The following FAT4 variants were observed in gnomAD, a reference collection of about 807,000 sequenced individuals.
FAT4 encodes protocadherin Fat 4.
A neutral mutation model predicts 303.9 loss-of-function variants in FAT4; 84 were observed. That is an observed-to-expected ratio of 0.28 (90% CI 0.23 to 0.33). The LOEUF (loss-of-function observed/expected upper bound fraction) is 0.33, where lower values mean the gene tolerates loss of function less well. FAT4 is among the 10% of genes least tolerant of loss of function. The probability of loss-of-function intolerance (pLI) is 1.00; values close to 1 mark genes in which losing one functional copy is unlikely to be tolerated. For missense variants in FAT4, 6,005 were observed against 6,146.8 expected (o/e 0.98, Z 0.77); for synonymous variants, 2,307 against 2,298.8 (o/e 1.00, Z -0.10).
rs1248057291 is a variant in FAT4 at position 125,320,259 on chromosome 4, T to C, written c.3848T>C (p.Leu1283Pro). The change falls in exon 2 of 18, where the codon CTT (leucine) becomes CCT (proline). Residue 1283 changes from leucine (L) to proline (P), a missense_variant. Transcript: ENST00000394329. ...TATGAAGCAACACCTGCCTATTCCCTTGTAATTCAAGCAGTGGATTCAGGG... is the reference window on the plus strand; with the variant it reads ...TATGAAGCAACACCTGCCTATTCCCCTGTAATTCAAGCAGTGGATTCAGGG... ...LDYEATPAYS[L>P]VIQAVDSGTI... The C allele has an allele frequency of 6.2e-7, 1 of 1,614,178 alleles. No individual in the cohort carries two copies. The highest frequency in any genetic ancestry group is 8.5e-7 in the Non-Finnish European group (1 of 1,180,004).
chr4:125,354,611 A>G (rs1239296307), intron 2 of FAT4, among the ~76,000 whole-genome samples: 1 of 151,626 alleles, frequency 6.6e-6, no homozygotes, highest in African/African-American at 2.4e-5. Context: ...AAGAAATGAA[A>G]CCACAGTGTA....
chr4:125,391,977 G>A (rs1733993320), intron 2 of FAT4, among the ~76,000 whole-genome samples: 1 of 152,132 alleles, frequency 6.6e-6, no homozygotes. Context: ...ACATGGATAA[G>A]TTGTCAGAAT....
chr4:125,332,107 A>C (rs978138268), intron 2 of FAT4, among the ~76,000 whole-genome samples: 1 of 150,722 alleles, frequency 6.6e-6, no homozygotes, highest in Non-Finnish European at 1.5e-5. Context: ...GACTATTAAC[A>C]TTTAAGAAAA....
chr4:125,457,060 C>T (rs1452943124), intron 10 of FAT4, among the ~76,000 whole-genome samples: 1 of 151,936 alleles, frequency 6.6e-6, no homozygotes, highest in Non-Finnish European at 1.5e-5. Flanking sequence ...TGGAGCTGCA[C>T]AATTTTCTGA....
intron 15 of FAT4, 51 bp downstream of exon 15, chr4:125,479,916 T>C: frequency 1.4e-6 from 2 of 1,414,398 alleles, no homozygotes; most frequent in Non-Finnish European, 1.9e-6. Context: ...CTATGAAAAG[T>C]AAAATATATG....
chr4:125,463,758 A>G, intron 11 of FAT4, 91 bp downstream of exon 11: 1 of 622,136 alleles, frequency 1.6e-6, no homozygotes, highest in Non-Finnish European at 2.7e-6. Flanking sequence ...GAAAGACCAA[A>G]AAATTATTGT....
At chr4:125,322,769 A>C (rs1210452453) in intron 2 of FAT4, among the ~76,000 whole-genome samples, 1 of 150,868 alleles carries the variant, frequency 6.6e-6, no homozygotes, top group Non-Finnish European at 1.5e-5. Context: ...ATTTTTTTTC[A>C]TAGTAGTTGG....
Position 125,384,997 on chromosome 4 carries a change from TATAC to T in FAT4, c.5176-13783_5176-13780del, listed in dbSNP as rs5861718. 3.7e-4 allele frequency among the ~76,000 whole-genome samples: 44 copies of T among 119,910 alleles called. 2 individuals are homozygous for T. The highest frequency in any genetic ancestry group is 1.6e-3 in the East Asian group (6 of 3,850). The allele number at this position is 119,910 out of a possible 152,430, so 78.7% of individuals were successfully genotyped here. ...TTTTAGAAACACACACATATATATA[TATAC>T]ATATATATATATATATATATATATT... On this transcript the variant is annotated intron_variant, in intron 2 of 17. Transcript: ENST00000394329.
At chr4:125,479,644 T>C in intron 14 of FAT4, 97 bp from the exon 15 acceptor site, 1 of 1,209,444 alleles carries the variant, frequency 8.3e-7, no homozygotes, top group Non-Finnish European at 1.1e-6. Context: ...AATGGAGTGC[T>C]TGAAATTAAA....
At chr4:125,424,029 G>A (rs1724999064) in intron 7 of FAT4, among the ~76,000 whole-genome samples, 1 of 152,188 alleles carries the variant, frequency 6.6e-6, no homozygotes, top group Admixed American at 6.5e-5. Context: ...TGGAAGGAAT[G>A]TACCTTTTCT....
intron 2 of FAT4, among the ~76,000 whole-genome samples, chr4:125,378,957 A>G (rs2125997041): frequency 6.6e-6 from 1 of 152,124 alleles, no homozygotes; most frequent in East Asian, 1.9e-4. Context: ...TTGCAACTTC[A>G]TTGGTTGCCT....
chr4:125,324,044 A>G (rs1224759068), intron 2 of FAT4, among the ~76,000 whole-genome samples: 1 of 152,170 alleles, frequency 6.6e-6, no homozygotes, highest in African/African-American at 2.4e-5. Flanking sequence ...GTGTCCAGTT[A>G]TACACCTTTA....
At chr4:125,372,013 A>G (rs1348320342) in intron 2 of FAT4, among the ~76,000 whole-genome samples, 2 of 152,096 alleles carry the variant, frequency 1.3e-5, no homozygotes, top group African/African-American at 4.8e-5. Context: ...TTTGAATAAA[A>G]GAAGAACGAA....
At chr4:125,411,926 T>C (rs1734863463) in intron 5 of FAT4, among the ~76,000 whole-genome samples, 1 of 151,436 alleles carries the variant, frequency 6.6e-6, no homozygotes, top group Non-Finnish European at 1.5e-5. Flanking sequence ...AAGAGTCATG[T>C]AACTAAATGA....
intron 2 of FAT4, among the ~76,000 whole-genome samples, chr4:125,381,351 G>C (rs896491915): frequency 6.6e-6 from 1 of 152,032 alleles, no homozygotes; most frequent in African/African-American, 2.4e-5. Context: ...TTAAATGCAG[G>C]TATACCTCTG....
At position 125,491,312 on chromosome 4, in the gene FAT4, G is replaced by T. The variant is rs140885944; in HGVS notation, c.14496G>T (p.Ala4832=). The part of the protein sequence containing the change: ...RRPLSRTRNP[A]DGIPAPESSS... ...CACTGTCTAGAACAAGGAATCCAGC[G>T]GATGGCATTCCAGCTCCAGAATCCT... Residue 4832 remains alanine (A), a synonymous_variant, in exon 18 of 18, where the codon GCG becomes GCT. Coordinates refer to ENST00000394329, the MANE Select transcript of FAT4 (RefSeq NM_001291303.3). The T allele has an allele frequency of 6.2e-7, 1 of 1,614,158 alleles. No homozygotes were observed. The highest frequency in any genetic ancestry group is 1.6e-4 in the Middle Eastern group (1 of 6,062).
intron 2 of FAT4, among the ~76,000 whole-genome samples, chr4:125,371,183 C>A (rs974636697): frequency 1.3e-5 from 2 of 149,690 alleles, no homozygotes; most frequent in African/African-American, 4.9e-5. Context: ...GTTTAAATGT[C>A]TACTGATAGG....
intron 8 of FAT4, among the ~76,000 whole-genome samples, chr4:125,442,826 T>C (rs958845): frequency 0.99 from 150,878 of 152,224 alleles, 74,787 homozygotes; most frequent in East Asian, 1. Context: ...TATTACGTTA[T>C]ACATATATAT....
At chr4:125,410,695 A>G (rs1375510043) in intron 5 of FAT4, among the ~76,000 whole-genome samples, 1 of 152,164 alleles carries the variant, frequency 6.6e-6, no homozygotes, top group African/African-American at 2.4e-5. Flanking sequence ...CTTAAAATAT[A>G]GGGAAACTGC....
Sources: allele counts gnomAD v4.1 joint callset (sites outside exome capture counted in the v4.1 genomes callset), GRCh38; gene constraint gnomAD v4.1.1; transcripts MANE v1.5; gene names NCBI Gene and HGNC (gene_info 2026-07-23, HGNC 2026-07-21).